RBFOX2: variants seen among roughly 807,000 people sequenced by gnomAD.
RBFOX2 encodes the protein RNA binding protein fox-1 homolog 2.
In RBFOX2, 10 loss-of-function variants were observed where a neutral mutation model predicts 49.1. The ratio of observed to expected loss-of-function variants is 0.20; its 90% CI spans 0.13 to 0.35. The LOEUF is 0.35. RBFOX2 is among the 10% of genes least tolerant of loss of function. The pLI is 1.00. For synonymous variants in RBFOX2, 183 were observed against 187.4 expected (o/e 0.98, Z 0.19); for missense variants, 323 against 486.9 (o/e 0.66, Z 3.17).
At chr22:35,999,318 G>A (rs1021148772) in intron 1 of RBFOX2, 2 of 150,252 alleles carry the variant, frequency 1.3e-5, no homozygotes, top group African/African-American at 4.9e-5. Context: ...GCCAAGGCAG[G>A]AGGACTGCTT....
chr22:35,781,911 G>A (rs1302124134), intron 2 of RBFOX2, among the ~76,000 whole-genome samples, 165 bp from the exon 4 acceptor site: 5 of 152,146 alleles, frequency 3.3e-5, no homozygotes, highest in Non-Finnish European at 7.3e-5. Context: ...AAAACACAAA[G>A]ATGCTATTAA....
At chr22:35,933,788 G>GTA (rs927869101) in intron 1 of RBFOX2, among the ~76,000 whole-genome samples, 5 of 151,854 alleles carry the variant, frequency 3.3e-5, no homozygotes, top group Admixed American at 1.3e-4. Context: ...CCTAAAACTA[G>GTA]TAAACAACTC....
intron 1 of RBFOX2, among the ~76,000 whole-genome samples, chr22:35,819,406 T>C (rs1020295391): frequency 2.6e-5 from 4 of 151,710 alleles, no homozygotes; most frequent in Non-Finnish European, 5.9e-5. Flanking sequence ...CTAAATAACA[T>C]TTTTTTTGGT....
At chr22:36,004,937 CG>C (rs1294744725) in intron 1 of RBFOX2, among the ~76,000 whole-genome samples, 3 of 152,152 alleles carry the variant, frequency 2.0e-5, no homozygotes, top group African/African-American at 7.2e-5. Context: ...TCACTCTCCT[CG>C]AAGTGTCAAC....
intron 1 of RBFOX2, among the ~76,000 whole-genome samples, chr22:35,872,009 A>G (rs1400170229): frequency 6.6e-6 from 1 of 152,200 alleles, no homozygotes; most frequent in Non-Finnish European, 1.5e-5. Flanking sequence ...AAGAATGACA[A>G]TTTTAAGCAA....
At chr22:35,785,333 G>A (rs1946162462) in intron 2 of RBFOX2, among the ~76,000 whole-genome samples, 3 of 152,142 alleles carry the variant, frequency 2.0e-5, no homozygotes, top group African/African-American at 4.8e-5. Context: ...TCTGGCAATC[G>A]AAGAGCCTTG....
chr22:35,759,805 G>A lies in RBFOX2; in HGVS notation c.887+83C>T, dbSNP rs1376465316. ...TACTCTGTGACACGGCAACATCCCA[G>A]AAGTTATGAAAGGGCCATGGTATTC... On this transcript the variant is annotated intron_variant, in intron 9 of 11. Coordinates refer to ENST00000405409, the Ensembl canonical transcript of RBFOX2. This position sits in a 1 kb window ranked among gnomAD's most constrained non-coding sequence, Gnocchi z 4.6. 2 of 1,562,498 alleles carry A rather than the reference G, an allele frequency of 1.3e-6. No individual in the cohort carries two copies. The highest frequency in any genetic ancestry group is 1.8e-6 in the Non-Finnish European group (2 of 1,140,986).
chr22:36,010,181 C>T (rs538432912), intron 1 of RBFOX2, among the ~76,000 whole-genome samples: 1 of 152,242 alleles, frequency 6.6e-6, no homozygotes, highest in East Asian at 1.9e-4. Context: ...CAGCCCAGAT[C>T]GATGGCTCTT....
chr22:35,970,917 C>A (rs2056837044), intron 1 of RBFOX2, among the ~76,000 whole-genome samples: 1 of 151,936 alleles, frequency 6.6e-6, no homozygotes, highest in South Asian at 2.1e-4. Context: ...TCAGCTAGAC[C>A]CAAAAAACTA....
At chr22:35,994,179 G>C (rs2058089974) in intron 1 of RBFOX2, 1 of 147,298 alleles carries the variant, frequency 6.8e-6, no homozygotes, top group Non-Finnish European at 1.5e-5. Context: ...TATTAAAAAT[G>C]GTAAAAAAAA....
chr22:35,971,895 T>A (rs1432486968), intron 1 of RBFOX2, among the ~76,000 whole-genome samples: 1 of 147,860 alleles, frequency 6.8e-6, no homozygotes, highest in Non-Finnish European at 1.5e-5. Context: ...CAGCCTTTCC[T>A]TTTTTCTTTT....
intron 1 of RBFOX2, among the ~76,000 whole-genome samples, chr22:36,017,629 C>A (rs760715208): frequency 4.6e-5 from 7 of 152,190 alleles, no homozygotes. Flanking sequence ...ATAGTTCTCA[C>A]CCCAAATGGT....
chr22:35,756,234 C>T (rs1936896383), intron 9 of RBFOX2, 90 bp from the exon 11 acceptor site: 1 of 1,202,000 alleles, frequency 8.3e-7, no homozygotes, highest in African/African-American at 1.6e-5. Flanking sequence ...TGCACATGCG[C>T]TCTACACAGG....
chr22:35,784,013 G>C (rs1180324411), intron 2 of RBFOX2, among the ~76,000 whole-genome samples: 1 of 152,186 alleles, frequency 6.6e-6, no homozygotes, highest in Non-Finnish European at 1.5e-5. Context: ...TCCTCAGGAT[G>C]CCAGAACAGG....
chr22:35,899,801 T>C (rs1453751243), intron 1 of RBFOX2, among the ~76,000 whole-genome samples: 1 of 152,216 alleles, frequency 6.6e-6, no homozygotes, highest in Non-Finnish European at 1.5e-5. Flanking sequence ...CAGGAGAGCA[T>C]GTTATCAGAC....
chr22:35,759,262 G>C lies in RBFOX2; in HGVS notation c.887+626C>G, dbSNP rs567146195. Among the ~76,000 whole-genome samples the C allele has an allele frequency of 6.6e-6, 1 of 152,162 alleles. No homozygotes were observed. The highest frequency in any genetic ancestry group is 2.4e-5 in the African/African-American group (1 of 41,440). On this transcript the variant is annotated intron_variant, in intron 9 of 11. Coordinates refer to ENST00000405409, the Ensembl canonical transcript of RBFOX2. This position sits in a 1 kb window ranked among gnomAD's most constrained non-coding sequence, Gnocchi z 4.6. ...CGGTGAAGGATGCTCAGCTACAGTC[G>C]CTGTTTTACCATCATTCAGAAGCCA...
chr22:35,900,009 A>C (rs959384736), intron 1 of RBFOX2, among the ~76,000 whole-genome samples: 1 of 152,200 alleles, frequency 6.6e-6, no homozygotes, highest in African/African-American at 2.4e-5. Flanking sequence ...CTGAATTCCT[A>C]CATCTCAAAA....
At chr22:35,999,614 CTCATA>C (rs2058327723) in intron 1 of RBFOX2, 2 of 151,910 alleles carry the variant, frequency 1.3e-5, no homozygotes, top group African/African-American at 2.4e-5. Context: ...AGAGGGACTT[CTCATA>C]TAAGAATTTT....
At chr22:35,894,360 T>C (rs2047587251) in intron 1 of RBFOX2, among the ~76,000 whole-genome samples, 1 of 152,188 alleles carries the variant, frequency 6.6e-6, no homozygotes, top group South Asian at 2.1e-4. Context: ...GTAAAAATTA[T>C]TAGATAAAAG....
Sources: gnomAD v4.1 joint callset for allele counts (sites outside exome capture counted in the v4.1 genomes callset) on GRCh38, gnomAD v4.1.1 for gene constraint, Gnocchi (gnomAD v3.1) non-coding constraint, MANE v1.5 for transcripts, NCBI Gene and HGNC (gene_info 2026-07-23, HGNC 2026-07-21) for gene names.